The following FLYWCH1 variants were observed in gnomAD, a reference collection of about 807,000 sequenced individuals.
The protein encoded by FLYWCH1 is FLYWCH-type zinc finger 1.
Under a neutral mutation model 66.4 loss-of-function variants are expected in FLYWCH1, and 75 were observed. The observed-to-expected ratio is 1.13, with a 90% CI of 0.94 to 1.37. The LOEUF is 1.37. Ranked by LOEUF, FLYWCH1 falls within the 40% of genes most tolerant of loss-of-function variation. The pLI, the probability that FLYWCH1 is intolerant of heterozygous loss-of-function variation, is 0.00. For missense variants in FLYWCH1, 1,334 were observed against 1,001.8 expected (o/e 1.33, Z -4.48); for synonymous variants, 595 against 429.9 (o/e 1.38, Z -4.75).
At chr16:2,937,721 C>T (rs537860875) in intron 7 of FLYWCH1, among the ~76,000 whole-genome samples, 7 of 152,266 alleles carry the variant, frequency 4.6e-5, no homozygotes, top group South Asian at 2.1e-4. Context: ...TCTACCCCCA[C>T]GCCACCCACA....
intron 6 of FLYWCH1, chr16:2,936,424 A>G (rs1039017833): frequency 2.2e-6 from 1 of 455,208 alleles, no homozygotes. Context: ...TCCCTCTTGA[A>G]GGTAGTTCCA....
intron 4 of FLYWCH1, among the ~76,000 whole-genome samples, chr16:2,931,835 T>G (rs2070771032): frequency 6.6e-6 from 1 of 151,380 alleles, no homozygotes; most frequent in East Asian, 1.9e-4. Flanking sequence ...CTGGCGAGGC[T>G]GGGCGCTTTG....
chr16:2,933,907 C>G lies in FLYWCH1; in HGVS notation c.1441C>G (p.Pro481Ala), dbSNP rs868101437. ...TGTCATGCGTGGTCACTGCCACCCG[C>G]CCGACCTGGGAGGCCTGGAGGCCCT... Reference protein sequence around the residue: ...VTVMRGHCHPPDLGGLEALRQ... With the variant: ...VTVMRGHCHPADLGGLEALRQ... The change falls in exon 6 of 10, where the codon CCC becomes GCC. Residue 481 changes from proline (P) to alanine (A), a missense_variant. Pro to Ala is a conservative substitution (Grantham distance 27). Transcript: ENST00000253928. 3.8e-6 allele frequency: 6 copies of G among 1,578,788 alleles called. 1 individual carries two copies. In the Middle Eastern group the frequency reaches 1.1e-3, roughly 278 times the overall value.
Position 2,916,636 on chromosome 16 carries a change from C to CA in FLYWCH1, c.-74+2354dup, listed in dbSNP as rs779734463. 2.3e-3 allele frequency among the ~76,000 whole-genome samples: 350 copies of CA among 150,814 alleles called. 3 individuals are homozygous for CA. The highest frequency in any genetic ancestry group is 4.1e-3 in the Non-Finnish European group (275 of 67,740). ...TGGGTGACAGAGCGAGACTCCATCT[C>CA]AAAAAAACAAAACAAAACAAAAAAT... On this transcript the variant is annotated intron_variant, in intron 2 of 9. Coordinates refer to ENST00000253928, the MANE Select transcript of FLYWCH1 (RefSeq NM_001308068.2).
chr16:2,927,115 C>T (rs1051172260), intron 2 of FLYWCH1, among the ~76,000 whole-genome samples: 1 of 152,188 alleles, frequency 6.6e-6, no homozygotes, highest in Admixed American at 6.6e-5. Context: ...TGTGCCATGC[C>T]AAATTGCACG....
rs2070826147 is a variant in FLYWCH1 at position 2,933,041 on chromosome 16, C to T, written c.797-89C>T. The T allele has an allele frequency of 5.1e-6, 6 of 1,166,244 alleles. No individual in the cohort carries two copies. The East Asian group carries it at 1.2e-4, about 24-fold the overall frequency. 72.2% of individuals were successfully genotyped at this position (1,166,244 alleles called of 1,614,324 possible). ...AAATTTCAGCCTTAAAGGAGAAAGG[C>T]TCGTGTCAGCCCCCACAGTCTGCAG... is the stretch of plus-strand genomic sequence containing the variant. On this transcript the variant is annotated intron_variant, in intron 4 of 9. Transcript: ENST00000253928.
At chr16:2,920,725 G>C (rs2070340467) in intron 2 of FLYWCH1, among the ~76,000 whole-genome samples, 1 of 151,810 alleles carries the variant, frequency 6.6e-6, no homozygotes, top group Admixed American at 6.6e-5. Context: ...ATTTTTAGTG[G>C]AGACGGGGTT....
intron 2 of FLYWCH1, among the ~76,000 whole-genome samples, chr16:2,921,892 T>A (rs937147299): frequency 2.0e-5 from 3 of 150,808 alleles, no homozygotes; most frequent in African/African-American, 7.3e-5. Context: ...TGAAACCCCA[T>A]CTCTACTAAA....
At chr16:2,948,656 T>C (rs754363120) in intron 9 of FLYWCH1, 32 bp from the exon 10 acceptor site, 19 of 1,608,908 alleles carry the variant, frequency 1.2e-5, no homozygotes, top group Non-Finnish European at 1.5e-5. Context: ...TGTTTTGATG[T>C]GTGCAATGAA....
chr16:2,930,368 C>T, intron 3 of FLYWCH1, 42 bp from the exon 4 acceptor site: 1 of 1,287,736 alleles, frequency 7.8e-7, no homozygotes, highest in Admixed American at 3.1e-5. Context: ...CGACCCTGAG[C>T]TTTGCTCTAG....
chr16:2,922,777 C>G, intron 2 of FLYWCH1: 1 of 520,840 alleles, frequency 1.9e-6, no homozygotes, highest in Non-Finnish European at 3.8e-6. Flanking sequence ...ACAACCACCT[C>G]ACAGAGTTCT....
At chr16:2,946,204 T>C (rs1182137972) in intron 9 of FLYWCH1, among the ~76,000 whole-genome samples, 1 of 152,086 alleles carries the variant, frequency 6.6e-6, no homozygotes, top group African/African-American at 2.4e-5. Flanking sequence ...GTATACTAAG[T>C]GTGCAGGACA....
intron 9 of FLYWCH1, among the ~76,000 whole-genome samples, chr16:2,944,541 C>T (rs780864073): frequency 2.0e-5 from 3 of 152,056 alleles, no homozygotes; most frequent in South Asian, 2.1e-4. Context: ...AACTGTAGGC[C>T]AGCCACAGCA....
chr16:2,923,807 G>C (rs1310054927), intron 2 of FLYWCH1, among the ~76,000 whole-genome samples: 1 of 152,096 alleles, frequency 6.6e-6, no homozygotes, highest in African/African-American at 2.4e-5. Context: ...GAAGGCTGAG[G>C]CGGGTGGATC....
rs770389253 is a variant in FLYWCH1 at position 2,930,616 on chromosome 16, G to A, written c.532G>A (p.Glu178Lys). 3.5e-5 allele frequency: 54 copies of A among 1,551,224 alleles called. No individual in the cohort carries two copies. Among genetic ancestry groups the A allele is most frequent in the Non-Finnish European group, 3.9e-5 (45 of 1,148,436 alleles). ...GCGGGGCCACTGCCACGCGCCCGAT[G>A]AGCAAGGCCTGGAGGCCCGGCGCCA... is the stretch of plus-strand genomic sequence containing the variant. ...VMRGHCHAPD[E>K]QGLEARRQRE... The change falls in exon 4 of 10, where the codon GAG becomes AAG. Residue 178 changes from glutamate to lysine, a missense_variant. Glu to Lys is a moderately conservative substitution (Grantham distance 56). Coordinates refer to ENST00000253928, the MANE Select transcript of FLYWCH1 (RefSeq NM_001308068.2).
At position 2,929,989 on chromosome 16, in the gene FLYWCH1, A is replaced by G; in HGVS notation, c.304A>G (p.Lys102Glu). Residue 102 changes from lysine to glutamate, a missense_variant, in exon 3 of 10, where the codon AAG (lysine) becomes GAG (glutamate). Physicochemically the swap from Lys to Glu is moderately conservative, Grantham distance 56. Coordinates refer to ENST00000253928, the MANE Select transcript of FLYWCH1 (RefSeq NM_001308068.2). Reference sequence around the variant, plus strand: ...GCCAGCCCTAGAGATGCCTGAACAGAAGTGCAGCAAGCTGGATGCAGGTGA... The same window carrying G: ...GCCAGCCCTAGAGATGCCTGAACAGGAGTGCAGCAAGCTGGATGCAGGTGA... ...VQPALEMPEQ[K>E]CSKLDAAAPQ... is the part of the protein sequence containing the mutation. 3.1e-6 allele frequency: 5 copies of G among 1,605,860 alleles called. No homozygotes were observed. Among genetic ancestry groups the G allele is most frequent in the Non-Finnish European group, 4.3e-6 (5 of 1,173,900 alleles).
intron 2 of FLYWCH1, among the ~76,000 whole-genome samples, chr16:2,926,764 T>G (rs937996547): frequency 2.6e-5 from 4 of 152,196 alleles, no homozygotes; most frequent in African/African-American, 9.7e-5. Context: ...AAAGCCATGT[T>G]GACTACAATC....
intron 2 of FLYWCH1, among the ~76,000 whole-genome samples, chr16:2,920,090 G>A (rs1479951744): frequency 6.6e-6 from 1 of 152,022 alleles, no homozygotes; most frequent in African/African-American, 2.4e-5. Flanking sequence ...GCAGGATTAG[G>A]GGTCATTTTA....
At chr16:2,928,411 T>G (rs1023884934) in intron 2 of FLYWCH1, among the ~76,000 whole-genome samples, 5 of 152,218 alleles carry the variant, frequency 3.3e-5, no homozygotes, top group African/African-American at 1.2e-4. Flanking sequence ...TAGGCTTTCT[T>G]GGGCGGAGCT....
Sources: gnomAD v4.1 joint callset for allele counts (sites outside exome capture counted in the v4.1 genomes callset) on GRCh38, gnomAD v4.1.1 for gene constraint, MANE v1.5 for transcripts, NCBI Gene and HGNC (gene_info 2026-07-23, HGNC 2026-07-21) for gene names.